Variants in POLR1B observed in about 807,000 individuals in gnomAD.
POLR1B encodes the protein RNA polymerase I subunit B.
POLR1B carries 30 observed loss-of-function variants against 105.8 expected under a neutral mutation model. That is an observed-to-expected ratio of 0.28 (90% CI 0.21 to 0.38). POLR1B has a LOEUF of 0.38. Ranked by LOEUF, POLR1B falls within the 10% of genes least tolerant of loss-of-function variation. The pLI, the probability that POLR1B is intolerant of heterozygous loss-of-function variation, is 1.00. For synonymous variants in POLR1B, 485 were observed against 505.1 expected (o/e 0.96, Z 0.53); for missense variants, 976 against 1,435.8 (o/e 0.68, Z 5.17).
chr2:112,547,196 C>T lies in POLR1B; in HGVS notation c.345+17C>T, dbSNP rs764399249. 6.8e-6 allele frequency: 11 copies of T among 1,613,340 alleles called. No homozygotes were observed. In the Admixed American group the frequency reaches 1.8e-4, roughly 27 times the overall value. Reference sequence around the variant, plus strand: ...AAGTTGACAGTGAGTACTAGTGATACTGTGTGACTCTCAACACTGCACATA... The same window carrying T: ...AAGTTGACAGTGAGTACTAGTGATATTGTGTGACTCTCAACACTGCACATA... On this transcript the variant is annotated intron_variant, in intron 2 of 14. Coordinates refer to ENST00000263331, the MANE Select transcript of POLR1B (RefSeq NM_019014.6).
intron 10 of POLR1B, among the ~76,000 whole-genome samples, chr2:112,566,741 T>G (rs1182759401): frequency 6.6e-6 from 1 of 152,026 alleles, no homozygotes; most frequent in African/African-American, 2.4e-5. Flanking sequence ...TCCTCTTTTT[T>G]TTTTTTTTTG....
At chr2:112,574,723 TAA>T (rs61116291) in intron 14 of POLR1B, 122 bp from the exon 15 acceptor site, 46,580 of 578,302 alleles carry the variant, frequency 0.081, 147 homozygotes, top group African/African-American at 0.13. Flanking sequence ...CCCTGTATCA[TAA>T]AAAAAAAAAA....
chr2:112,579,360 T>A lies in POLR1B; in HGVS notation c.*3631T>A, dbSNP rs1684999880. On this transcript the variant is annotated 3_prime_UTR_variant, in exon 15 of 15. Transcript: ENST00000263331. The stretch of plus-strand genomic sequence containing the variant: ...GCTGGGTCATATGGTAGTTGCATAT[T>A]TCATTTAATAAACTGCCAAACTTTT... 1 of 152,160 alleles carries A rather than the reference T, an allele frequency of 6.6e-6. No homozygotes were observed. The highest frequency in any genetic ancestry group is 1.5e-5 in the Non-Finnish European group (1 of 68,032). 9.4% of individuals were successfully genotyped at this position (152,160 alleles called of 1,614,324 possible).
chr2:112,550,424 G>A (rs892871481), intron 4 of POLR1B, among the ~76,000 whole-genome samples: 3 of 152,248 alleles, frequency 2.0e-5, no homozygotes, highest in Admixed American at 6.5e-5. Context: ...AAAACAGCAT[G>A]CCTGAATGTC....
intron 10 of POLR1B, 41 bp from the exon 11 acceptor site, chr2:112,567,926 C>T: frequency 6.4e-7 from 1 of 1,572,000 alleles, no homozygotes; most frequent in Non-Finnish European, 8.7e-7. Flanking sequence ...CAGCCATGGC[C>T]TTGGGACAGG....
intron 7 of POLR1B, among the ~76,000 whole-genome samples, chr2:112,554,195 C>T (rs1017549052): frequency 1.3e-5 from 2 of 152,000 alleles, no homozygotes; most frequent in South Asian, 2.1e-4. Flanking sequence ...TGCAGTGCTA[C>T]GATCTCAGCT....
rs1201936167 is a variant in POLR1B at position 112,568,116 on chromosome 2, G to A, written c.1896G>A (p.Glu632=). The change falls in exon 11 of 15, where the codon GAG becomes GAA. Residue 632 remains glutamate (E), a synonymous_variant. Coordinates refer to ENST00000263331, the MANE Select transcript of POLR1B (RefSeq NM_019014.6). ...PVQNLALGKE[E]LIGTMEQIFM... ...AGAACTTAGCATTGGGCAAAGAAGAGCTAATTGGAACTATGGAACAGGTAA... is the reference window on the plus strand; with the variant it reads ...AGAACTTAGCATTGGGCAAAGAAGAACTAATTGGAACTATGGAACAGGTAA... 2 of 1,614,050 alleles carry A rather than the reference G, an allele frequency of 1.2e-6. No homozygotes were observed. Among genetic ancestry groups the A allele is most frequent in the Non-Finnish European group, 1.7e-6 (2 of 1,179,932 alleles).
intron 1 of POLR1B, among the ~76,000 whole-genome samples, chr2:112,546,737 G>A (rs1208276928): frequency 6.6e-6 from 1 of 150,732 alleles, no homozygotes; most frequent in African/African-American, 2.5e-5. Context: ...AATTTTTTTT[G>A]TATTTTTAGT....
At chr2:112,542,265 G>T (rs1682788310), upstream of POLR1B, 1 of 1,533,888 alleles carries the variant, frequency 6.5e-7, no homozygotes, top group Non-Finnish European at 8.7e-7. Context: ...GGGAGGGCCC[G>T]CCACGCTCTG....
intron 12 of POLR1B, among the ~76,000 whole-genome samples, chr2:112,572,068 A>G (rs1684624273): frequency 6.6e-6 from 1 of 152,186 alleles, no homozygotes; most frequent in Non-Finnish European, 1.5e-5. Flanking sequence ...GATTCTCTGT[A>G]CTGTGAGGTA....
At chr2:112,559,933 G>T (rs1162156399) in intron 9 of POLR1B, among the ~76,000 whole-genome samples, 3 of 151,974 alleles carry the variant, frequency 2.0e-5, no homozygotes, top group African/African-American at 4.8e-5. Context: ...CCCGGCCAAG[G>T]TTACGTGGTT....
chr2:112,572,766 T>C lies in POLR1B; in HGVS notation c.2271+8T>C, dbSNP rs1193501040. On this transcript the variant is annotated splice_region_variant and intron_variant, in intron 13 of 14. Coordinates refer to ENST00000263331, the MANE Select transcript of POLR1B (RefSeq NM_019014.6). ...GATATGGAAGATGCCATGGTAAGTT[T>C]TACCAGGAAATGTTGTTCCAATCTT... The C allele has an allele frequency of 1.3e-6, 2 of 1,563,074 alleles. No homozygotes were observed. Among genetic ancestry groups the C allele is most frequent in the Admixed American group, 3.8e-5 (2 of 52,380 alleles).
At chr2:112,572,168 C>T (rs1179165494) in intron 12 of POLR1B, among the ~76,000 whole-genome samples, 2 of 152,216 alleles carry the variant, frequency 1.3e-5, no homozygotes, top group African/African-American at 4.8e-5. Flanking sequence ...GTAATAATTC[C>T]TATCCCCTTT....
chr2:112,546,197 A>G (rs781317298), intron 1 of POLR1B, among the ~76,000 whole-genome samples: 1 of 152,148 alleles, frequency 6.6e-6, no homozygotes. Context: ...CAAAGAAGTA[A>G]CTTCTGTGGA....
chr2:112,558,358 A>G (rs1250566787), intron 8 of POLR1B, among the ~76,000 whole-genome samples: 1 of 152,132 alleles, frequency 6.6e-6, no homozygotes, highest in African/African-American at 2.4e-5. Context: ...GGAACTCTAG[A>G]TGGGTTGCTG....
chr2:112,559,537 G>A lies in POLR1B; in HGVS notation c.1575G>A (p.Val525=). 6.2e-7 allele frequency: 1 copy of A among 1,614,232 alleles called. No homozygotes were observed. The highest frequency in any genetic ancestry group is 8.5e-7 in the Non-Finnish European group (1 of 1,180,032). ...TATGTGAGGTTGTCACACAGTTTGT[G>A]TATACGGCATCTATTCCAGCTTTAC... The part of the protein sequence containing the change: ...TAVCEVVTQF[V]YTASIPALLC... Residue 525 remains valine (V), a synonymous_variant, in exon 9 of 15, where the codon GTG becomes GTA. Transcript: ENST00000263331.
Position 112,549,853 on chromosome 2 carries a change from C to T in POLR1B, c.625+454C>T, listed in dbSNP as rs142936403. Among the ~76,000 whole-genome samples the T allele has an allele frequency of 4.1e-3, 617 of 152,188 alleles. 4 individuals are homozygous for T. Among genetic ancestry groups the T allele is most frequent in the Middle Eastern group, 0.01 (3 of 294 alleles). On this transcript the variant is annotated intron_variant, in intron 4 of 14. Coordinates refer to ENST00000263331, the MANE Select transcript of POLR1B (RefSeq NM_019014.6). Reference sequence around the variant, plus strand: ...ATTTTAAGTGTCTCAACCACACACGCGTGCACACGTACTACAAATGATAAC... The same window carrying T: ...ATTTTAAGTGTCTCAACCACACACGTGTGCACACGTACTACAAATGATAAC...
upstream of POLR1B, chr2:112,542,230 T>C (rs1436409087): frequency 1.3e-6 from 2 of 1,535,262 alleles, no homozygotes; most frequent in African/African-American, 1.4e-5. Flanking sequence ...AGCGGGGAGA[T>C]GAGTGGGGCG....
chr2:112,551,853 T>G lies in POLR1B; in HGVS notation c.841T>G (p.Ser281Ala), dbSNP rs1225120641. The change falls in exon 6 of 15, where the codon TCT becomes GCT. Residue 281 changes from serine to alanine, a missense_variant. By Grantham distance (99) the Ser-to-Ala change is moderately conservative (BLOSUM62 1). Coordinates refer to ENST00000263331, the MANE Select transcript of POLR1B (RefSeq NM_019014.6). ...GKEDDSFLRN[S>A]VSQMLRIVME... ...AGAGGATGATTCTTTCCTTAGGAAC[T>G]CTGTTTCTCAGATGTTAAGGATTGT... 3 of 1,614,146 alleles carry G rather than the reference T, an allele frequency of 1.9e-6. No homozygotes were observed. In the South Asian group the frequency reaches 3.3e-5, roughly 18 times the overall value.
Sources: allele counts gnomAD v4.1 joint callset (sites outside exome capture counted in the v4.1 genomes callset), GRCh38; gene constraint gnomAD v4.1.1; transcripts MANE v1.5; gene names NCBI Gene and HGNC (gene_info 2026-07-23, HGNC 2026-07-21).